Variants in TRPC4 observed in about 807,000 individuals in gnomAD.
TRPC4 encodes the protein short transient receptor potential channel 4.
TRPC4 carries 49 observed loss-of-function variants against 99.4 expected under a neutral mutation model. The ratio of observed to expected loss-of-function variants is 0.49; its 90% CI spans 0.39 to 0.63. The LOEUF (loss-of-function observed/expected upper bound fraction) is 0.63. Ranked by LOEUF, TRPC4 falls within the 20% of genes least tolerant of loss-of-function variation. TRPC4 has a pLI of 0.00. For synonymous variants in TRPC4, 454 were observed against 425.9 expected, an observed-to-expected ratio of 1.07 and a Z score of -0.81; for missense variants, 898 against 1,152.9, an observed-to-expected ratio of 0.78 and a Z score of 3.20.
intron 3 of TRPC4, among the ~76,000 whole-genome samples, chr13:37,740,128 A>T (rs148728860): frequency 2.0e-5 from 3 of 152,286 alleles, no homozygotes; most frequent in African/African-American, 7.2e-5. Flanking sequence ...GACAGCAAGG[A>T]TGCAACATTA....
intron 1 of TRPC4, among the ~76,000 whole-genome samples, chr13:37,867,963 T>A (rs1019985796): frequency 1.3e-5 from 2 of 152,132 alleles, no homozygotes; most frequent in Non-Finnish European, 2.9e-5. Context: ...GACATTAAAA[T>A]TTCCTCTAAT....
Position 37,636,924 on chromosome 13 carries a change from A to T in TRPC4, c.2913T>A (p.Asp971Glu), listed in dbSNP as rs958361021. Reference protein sequence around the residue: ...LNLPDTVTHEDYVTTRL With the variant: ...LNLPDTVTHEEYVTTRL ...AGTATCACAATCTTGTGGTCACGTA[A>T]TCTTCGTGGGTGACTGTGTCTGGGA... The change falls in exon 11 of 11, where the codon GAT becomes GAA. Residue 971 changes from aspartate (D) to glutamate (E), a missense_variant. Asp to Glu is a conservative substitution (Grantham distance 45). This residue lies in a region of TRPC4 where 346 missense variants were observed against 351.4 expected (regional missense o/e 0.98). Transcript: ENST00000379705. 2 of 1,611,602 alleles carry T rather than the reference A, an allele frequency of 1.2e-6. No individual in the cohort carries two copies.
chr13:37,781,632 T>G (rs1319769919), intron 2 of TRPC4, among the ~76,000 whole-genome samples: 1 of 152,096 alleles, frequency 6.6e-6, no homozygotes, highest in Non-Finnish European at 1.5e-5. Context: ...TTTGTAGCAG[T>G]AAACTTTTAC....
At chr13:37,822,203 C>G (rs1958032769) in intron 1 of TRPC4, among the ~76,000 whole-genome samples, 1 of 152,054 alleles carries the variant, frequency 6.6e-6, no homozygotes, top group African/African-American at 2.4e-5. Flanking sequence ...AAAGAAGGCT[C>G]AACATCACAG....
chr13:37,826,576 C>G (rs376302316), intron 1 of TRPC4, among the ~76,000 whole-genome samples: 29,999 of 151,466 alleles, frequency 0.2, 3,098 homozygotes, highest in African/African-American at 0.22. Context: ...GAAAATTCTT[C>G]TCTTTAAGAA....
intron 1 of TRPC4, among the ~76,000 whole-genome samples, chr13:37,844,922 A>C (rs1344085359): frequency 6.6e-6 from 1 of 152,032 alleles, no homozygotes; most frequent in Non-Finnish European, 1.5e-5. Context: ...GGCCCTTCCC[A>C]ACTGCAGATT....
chr13:37,851,594 A>T (rs1029254679), intron 1 of TRPC4, among the ~76,000 whole-genome samples: 1 of 152,226 alleles, frequency 6.6e-6, no homozygotes, highest in Non-Finnish European at 1.5e-5. Context: ...AGGTGATGGA[A>T]TAGAAGCCTA....
chr13:37,693,066 T>A (rs975662451), intron 3 of TRPC4, among the ~76,000 whole-genome samples: 1 of 32,046 alleles, frequency 3.1e-5, no homozygotes, highest in Admixed American at 3.0e-4. Context: ...GGACACTACT[T>A]ACTGTATGTT....
chr13:37,655,824 T>A (rs1052407204), intron 6 of TRPC4, among the ~76,000 whole-genome samples: 1 of 152,160 alleles, frequency 6.6e-6, no homozygotes, highest in Non-Finnish European at 1.5e-5. Context: ...CTCCTTTTCA[T>A]AGAACATTTG....
intron 2 of TRPC4, among the ~76,000 whole-genome samples, chr13:37,767,557 T>A (rs1956411932): frequency 6.6e-6 from 1 of 151,264 alleles, no homozygotes; most frequent in Admixed American, 6.6e-5. Context: ...GGCAGCATTG[T>A]CTTGTAGTAG....
intron 4 of TRPC4, among the ~76,000 whole-genome samples, chr13:37,689,881 A>T (rs1344297066): frequency 6.6e-6 from 1 of 152,216 alleles, no homozygotes; most frequent in African/African-American, 2.4e-5. Context: ...CTTCATTAGC[A>T]GAAGGGCTCT....
At chr13:37,697,101 C>T (rs1002752761) in intron 3 of TRPC4, among the ~76,000 whole-genome samples, 1 of 152,002 alleles carries the variant, frequency 6.6e-6, no homozygotes, top group African/African-American at 2.4e-5. Flanking sequence ...CCACCTACTT[C>T]ATTAATCAAA....
intron 1 of TRPC4, among the ~76,000 whole-genome samples, chr13:37,802,207 T>C (rs138154767): frequency 3.9e-4 from 60 of 152,244 alleles, no homozygotes; most frequent in Non-Finnish European, 6.9e-4. Context: ...TGCTAGTATC[T>C]TACATAAACA....
intron 1 of TRPC4, among the ~76,000 whole-genome samples, chr13:37,812,363 TATG>T (rs1046872112): frequency 6.6e-5 from 10 of 151,450 alleles, no homozygotes; most frequent in Non-Finnish European, 1.5e-4. Flanking sequence ...TACAAACCAT[TATG>T]AGGAGAAAAT....
At chr13:37,849,108 T>A (rs762967845) in intron 1 of TRPC4, among the ~76,000 whole-genome samples, 1 of 152,118 alleles carries the variant, frequency 6.6e-6, no homozygotes, top group African/African-American at 2.4e-5. Flanking sequence ...ATGAGCTTCC[T>A]GGGAAGGAGG....
In TRPC4 at chr13:37,637,581, T is replaced by C. The variant is rs754182455; in HGVS notation, c.2256A>G (p.Gly752=). The change falls in exon 11 of 11, where the codon GGA becomes GGG. Residue 752 remains glycine, a synonymous_variant. Transcript: ENST00000379705. ...TGGAAAGTTTGCTTCCTCTTAGTAATCCCAGGACTTCAAAGCGGAAACTAG... is the reference window on the plus strand; with the variant it reads ...TGGAAAGTTTGCTTCCTCTTAGTAACCCCAGGACTTCAAAGCGGAAACTAG... The part of the protein sequence containing the change: ...DISSFRFEVL[G]LLRGSKLSTI... 3 of 1,602,994 alleles carry C rather than the reference T, an allele frequency of 1.9e-6. No individual in the cohort carries two copies. The highest frequency in any genetic ancestry group is 3.5e-5 in the Admixed American group (2 of 57,132).
chr13:37,826,110 G>T (rs1593267973), intron 1 of TRPC4, among the ~76,000 whole-genome samples: 1 of 127,750 alleles, frequency 7.8e-6, no homozygotes, highest in Non-Finnish European at 1.6e-5. Context: ...GCCTTTTTTT[G>T]TTTTCCGTTT....
intron 1 of TRPC4, among the ~76,000 whole-genome samples, chr13:37,808,965 T>G (rs1404083524): frequency 6.6e-6 from 1 of 152,114 alleles, no homozygotes; most frequent in Admixed American, 6.6e-5. Flanking sequence ...CACAAAAGGA[T>G]ATCATTCAGT....
intron 5 of TRPC4, among the ~76,000 whole-genome samples, chr13:37,670,913 G>C (rs895913147): frequency 2.6e-5 from 4 of 152,088 alleles, no homozygotes; most frequent in Non-Finnish European, 5.9e-5. Flanking sequence ...CACTTGTACT[G>C]TCCTCTGTAT....
Sources: gnomAD v4.1 joint callset for allele counts (sites outside exome capture counted in the v4.1 genomes callset) on GRCh38, gnomAD v4.1.1 for gene constraint, gnomAD v4.1.1 regional missense constraint, MANE v1.5 for transcripts, NCBI Gene and HGNC (gene_info 2026-07-23, HGNC 2026-07-21) for gene names.